TRMT6: variants seen among roughly 807,000 people sequenced by gnomAD.
TRMT6 encodes tRNA methyltransferase 6 non-catalytic subunit.
A neutral mutation model predicts 59.0 loss-of-function variants in TRMT6; 34 were observed. The observed-to-expected ratio is 0.58, with a 90% CI of 0.44 to 0.77. The LOEUF is 0.77. TRMT6 is among the 30% of genes least tolerant of loss of function. The probability of loss-of-function intolerance (pLI) is 0.00; values close to 1 mark genes in which losing one functional copy is unlikely to be tolerated. For synonymous variants in TRMT6, 217 were observed against 210.5 expected, an observed-to-expected ratio of 1.03 and a Z score of -0.27; for missense variants, 575 against 604.5, an observed-to-expected ratio of 0.95 and a Z score of 0.51.
Position 5,939,486 on chromosome 20 carries a change from GA to G in TRMT6, c.1303-761del, listed in dbSNP as rs376972151. 7.9e-3 allele frequency among the ~76,000 whole-genome samples: 620 copies of G among 78,918 alleles called. 1 individual carries two copies. The highest frequency in any genetic ancestry group is 0.016 in the South Asian group (41 of 2,500). 51.8% of individuals were successfully genotyped at this position (78,918 alleles called of 152,430 possible). A position where few individuals can be genotyped will look rare whatever the true frequency, so the allele number is the denominator to read the frequency against. On this transcript the variant is annotated intron_variant, in intron 10 of 10. Transcript: ENST00000203001. ...CAGAGCGAGACTCTGTCTCAAAAAT[GA>G]AAAAAAAAAAAAAAAGAGAAGAAAA...
At chr20:5,950,086 G>A (rs975172251) in intron 1 of TRMT6, among the ~76,000 whole-genome samples, 192 bp downstream of exon 1, 3 of 152,096 alleles carry the variant, frequency 2.0e-5, no homozygotes, top group African/African-American at 7.2e-5. Flanking sequence ...GAGATTATGA[G>A]GTTCGAAGAC....
chr20:5,942,700 T>C lies in TRMT6; in HGVS notation c.754A>G (p.Ser252Gly), dbSNP rs768954878. The change falls in exon 7 of 11, where the codon AGT becomes GGT. Residue 252 changes from serine (S) to glycine (G), a missense_variant. Coordinates refer to ENST00000203001, the MANE Select transcript of TRMT6 (RefSeq NM_015939.5). ...TTGAGAGGGAATTCATAAAGACCAC[T>C]GAGAAAAGATTTGGGAAATCCAAAA... is the stretch of plus-strand genomic sequence containing the variant. ...ACFGFPKSFLSGLYEFPLNKV... is the reference protein window; with the variant it reads ...ACFGFPKSFLGGLYEFPLNKV... 2 of 1,614,156 alleles carry C rather than the reference T, an allele frequency of 1.2e-6. No homozygotes were observed. Among genetic ancestry groups the C allele is most frequent in the Non-Finnish European group, 1.7e-6 (2 of 1,180,022 alleles).
rs2088780713 is a variant in TRMT6, at chr20:5,950,406, G to A, written c.-1C>T. ...CCGGCTGCTCCCCTGAGCCCTCCATGACGCTCAGCCGGTCGCCGTGCTCCA... is the reference window on the plus strand; with the variant it reads ...CCGGCTGCTCCCCTGAGCCCTCCATAACGCTCAGCCGGTCGCCGTGCTCCA... On this transcript the variant is annotated 5_prime_UTR_variant, in exon 1 of 11. Coordinates refer to ENST00000203001, the MANE Select transcript of TRMT6 (RefSeq NM_015939.5). The A allele has an allele frequency of 1.3e-6, 2 of 1,591,516 alleles. No homozygotes were observed. Among genetic ancestry groups the A allele is most frequent in the East Asian group, 4.5e-5 (2 of 44,430 alleles).
intron 1 of TRMT6, among the ~76,000 whole-genome samples, chr20:5,947,728 CT>C (rs1447257036): frequency 8.0e-5 from 12 of 150,792 alleles, no homozygotes; most frequent in South Asian, 2.1e-4. Flanking sequence ...TGTGCACCCC[CT>C]ATCCTCATCC....
At position 5,942,665 on chromosome 20, in the gene TRMT6, G is replaced by A. The variant is rs150209224; in HGVS notation, c.789C>T (p.Asp263=). The A allele has an allele frequency of 1.9e-6, 3 of 1,614,012 alleles. No homozygotes were observed. The highest frequency in any genetic ancestry group is 2.5e-6 in the Non-Finnish European group (3 of 1,180,018). ...GLYEFPLNKV[D]SLLHGTFSAK... is the part of the protein sequence containing the mutation. ...CAGAAAATGTTCCATGTAGAAGACT[G>A]TCCACTTTGTTGAGAGGGAATTCAT... The change falls in exon 7 of 11, where the codon GAC becomes GAT. Residue 263 remains aspartate, a synonymous_variant. Transcript: ENST00000203001.
At chr20:5,948,699 A>G (rs1191198100) in intron 1 of TRMT6, among the ~76,000 whole-genome samples, 1 of 152,188 alleles carries the variant, frequency 6.6e-6, no homozygotes, top group Non-Finnish European at 1.5e-5. Context: ...ATTAGTTTAA[A>G]AAAGAAAAAA....
At chr20:5,950,052 C>T (rs2088770490) in intron 1 of TRMT6, among the ~76,000 whole-genome samples, 1 of 151,890 alleles carries the variant, frequency 6.6e-6, no homozygotes, top group Non-Finnish European at 1.5e-5. Flanking sequence ...GGAGGGGGCT[C>T]CGGGAAAAAC....
chr20:5,949,203 A>C (rs1385185183), intron 1 of TRMT6, among the ~76,000 whole-genome samples: 1 of 151,538 alleles, frequency 6.6e-6, no homozygotes, highest in African/African-American at 2.4e-5. Flanking sequence ...AAATACAAAA[A>C]AAAAAAAAAA....
rs2088626464 is a variant in TRMT6, at chr20:5,938,477, G to A, written c.*58C>T. ...AAAACAAGTAGTAATGGCATTTAAAGTTTAATTACTAACTGTATAATGCCT... is the reference window on the plus strand; with the variant it reads ...AAAACAAGTAGTAATGGCATTTAAAATTTAATTACTAACTGTATAATGCCT... On this transcript the variant is annotated 3_prime_UTR_variant, in exon 11 of 11. Transcript: ENST00000203001. 14 of 1,514,218 alleles carry A rather than the reference G, an allele frequency of 9.2e-6. 1 individual carries two copies. In the South Asian group the frequency reaches 1.5e-4, roughly 16 times the overall value. 93.8% of individuals were successfully genotyped at this position (1,514,218 alleles called of 1,614,324 possible).
At chr20:5,941,747 T>C (rs112870352) in intron 8 of TRMT6, 1 of 593,032 alleles carries the variant, frequency 1.7e-6, no homozygotes, top group African/African-American at 1.8e-5. Flanking sequence ...GAAGATTCAA[T>C]TTCTTCTGAA....
rs1193313859 is a variant in TRMT6 at position 5,944,018 on chromosome 20, T to C, written c.472A>G (p.Ile158Val). The change falls in exon 5 of 11, where the codon ATT becomes GTT. Residue 158 changes from isoleucine (I) to valine (V), a missense_variant. Ile to Val is a conservative substitution (Grantham distance 29). Transcript: ENST00000203001. Reference protein sequence around the residue: ...KKKKKKYEAIITVVKPSTRIL... With the variant: ...KKKKKKYEAIVTVVKPSTRIL... ...CGGGTGGATGGCTTCACAACAGTAA[T>C]GATGGCTTCATATCTGGGGGAAGAA... 1.9e-6 allele frequency: 3 copies of C among 1,600,374 alleles called. No homozygotes were observed. Among genetic ancestry groups the C allele is most frequent in the Admixed American group, 1.7e-5 (1 of 58,918 alleles).
chr20:5,943,182 CAGAGAGAATACATGCTTA>C (rs66726288), intron 6 of TRMT6, among the ~76,000 whole-genome samples: 34,068 of 152,026 alleles, frequency 0.22, 5,694 homozygotes, highest in African/African-American at 0.46. Context: ...TGTATTCTTC[CAGAGAGAATACATGCTTA>C]GTAATCTTCC....
chr20:5,941,558 G>A, intron 8 of TRMT6: 1 of 568,156 alleles, frequency 1.8e-6, no homozygotes, highest in Non-Finnish European at 3.1e-6. Flanking sequence ...TGTGGTACTT[G>A]GCAACTCTAA....
intron 1 of TRMT6, among the ~76,000 whole-genome samples, chr20:5,948,646 G>A (rs2122612806): frequency 6.6e-6 from 1 of 151,990 alleles, no homozygotes; most frequent in South Asian, 2.1e-4. Context: ...TTGGAGACTA[G>A]CCTAGACAAC....
At chr20:5,943,432 G>T in intron 6 of TRMT6, 127 bp downstream of exon 6, 1 of 1,281,778 alleles carries the variant, frequency 7.8e-7, no homozygotes, top group Non-Finnish European at 1.1e-6. Flanking sequence ...GAGCCGTGCA[G>T]GTTCACCCAA....
intron 6 of TRMT6, 132 bp downstream of exon 6, chr20:5,943,427 G>T: frequency 2.5e-6 from 3 of 1,199,348 alleles, no homozygotes; most frequent in Non-Finnish European, 2.4e-6. Flanking sequence ...GCTAGGAGCC[G>T]TGCAGGTTCA....
At chr20:5,939,458 C>A (rs117853829) in intron 10 of TRMT6, among the ~76,000 whole-genome samples, 1 of 143,988 alleles carries the variant, frequency 6.9e-6, no homozygotes, top group African/African-American at 2.6e-5. Context: ...CCCACCTGGG[C>A]GACAGAGCGA....
chr20:5,945,020 C>T, intron 2 of TRMT6, 106 bp from the exon 3 acceptor site: 1 of 835,420 alleles, frequency 1.2e-6, no homozygotes, highest in Non-Finnish European at 1.9e-6. Context: ...TCAAGTCTGG[C>T]CTCCCAGCTG....
chr20:5,942,393 A>G, intron 7 of TRMT6, 35 bp downstream of exon 7: 1 of 1,575,510 alleles, frequency 6.3e-7, no homozygotes, highest in Non-Finnish European at 8.7e-7. Context: ...AGGGACTGAG[A>G]TTATGGGGGT....
Sources: allele counts gnomAD v4.1 joint callset (sites outside exome capture counted in the v4.1 genomes callset), GRCh38; gene constraint gnomAD v4.1.1; transcripts MANE v1.5; gene names NCBI Gene and HGNC (gene_info 2026-07-23, HGNC 2026-07-21).